UTP20: variants seen among roughly 807,000 people sequenced by gnomAD.
UTP20 encodes the protein small subunit processome component 20 homolog.
A neutral mutation model predicts 329.5 loss-of-function variants in UTP20; 164 were observed. That is an observed-to-expected ratio of 0.50 (90% CI 0.44 to 0.57). The LOEUF (loss-of-function observed/expected upper bound fraction) is 0.57, where lower values mean the gene tolerates loss of function less well. Among genes scored for constraint, UTP20 ranks in the 20% least tolerant of loss-of-function variants. UTP20 has a pLI of 0.00. For synonymous variants in UTP20, 1,151 were observed against 1,159.3 expected (o/e 0.99, Z 0.14); for missense variants, 3,055 against 3,284.2 (o/e 0.93, Z 1.71).
At chr12:101,314,596 T>A in intron 21 of UTP20, among the ~76,000 whole-genome samples, 1 of 150,250 alleles carries the variant, frequency 6.7e-6, no homozygotes, top group East Asian at 2.0e-4. Flanking sequence ...AGGTGGAGGT[T>A]GCAGTGAGCC....
chr12:101,360,935 A>G (rs1019001993), intron 43 of UTP20, among the ~76,000 whole-genome samples: 3 of 152,154 alleles, frequency 2.0e-5, no homozygotes, highest in African/African-American at 4.8e-5. Context: ...TCATTATCTG[A>G]TATTTACCTT....
intron 43 of UTP20, among the ~76,000 whole-genome samples, chr12:101,359,987 A>G (rs1869860163): frequency 6.6e-6 from 1 of 152,250 alleles, no homozygotes. Context: ...AGAACTGGAC[A>G]TACAAGGAGG....
At chr12:101,299,914 T>C in intron 13 of UTP20, 59 bp from the exon 14 acceptor site, 2 of 1,609,730 alleles carry the variant, frequency 1.2e-6, no homozygotes, top group Non-Finnish European at 1.7e-6. Flanking sequence ...CTTGCTGTTC[T>C]CTGAAACAAA....
intron 40 of UTP20, 112 bp downstream of exon 40, chr12:101,353,241 G>T: frequency 1.7e-6 from 1 of 588,622 alleles, no homozygotes; most frequent in Non-Finnish European, 2.8e-6. Context: ...GCTCTTACTA[G>T]CAATGGACAG....
rs1320648993 is a variant in UTP20 at position 101,379,521 on chromosome 12, T to G, written c.7547T>G (p.Val2516Gly). The change falls in exon 57 of 62, where the codon GTA becomes GGA. Residue 2516 changes from valine to glycine, a missense_variant. Val to Gly is a moderately radical substitution (Grantham distance 109, BLOSUM62 -3). Coordinates refer to ENST00000261637, the MANE Select transcript of UTP20 (RefSeq NM_014503.3). ...KKTKKHLPEP[V>G]AIKFLASDLD... is the part of the protein sequence containing the mutation. ...ACCAAAAAACACCTCCCAGAACCTGTAGCAATCAAGTTCCTAGCCAGTGAC... is the reference window on the plus strand; with the variant it reads ...ACCAAAAAACACCTCCCAGAACCTGGAGCAATCAAGTTCCTAGCCAGTGAC... 1.8e-5 allele frequency: 29 copies of G among 1,613,736 alleles called. No individual in the cohort carries two copies. The highest frequency in any genetic ancestry group is 2.4e-5 in the Non-Finnish European group (28 of 1,179,856).
chr12:101,329,091 T>C, intron 26 of UTP20, 150 bp from the exon 27 acceptor site: 1 of 697,300 alleles, frequency 1.4e-6, no homozygotes, highest in East Asian at 2.7e-5. Flanking sequence ...AAGGAGATAA[T>C]ACATAAGAAA....
intron 1 of UTP20, among the ~76,000 whole-genome samples, chr12:101,280,552 T>C (rs1043738142): frequency 1.3e-5 from 2 of 152,262 alleles, no homozygotes; most frequent in Admixed American, 1.3e-4. Context: ...TGGCCAGTCC[T>C]GGGAATTTCC....
At chr12:101,364,115 AT>A (rs1870020315) in intron 45 of UTP20, among the ~76,000 whole-genome samples, 1 of 152,144 alleles carries the variant, frequency 6.6e-6, no homozygotes, top group South Asian at 2.1e-4. Context: ...TTTATTAAGA[AT>A]TTGTTTTAGG....
intron 43 of UTP20, among the ~76,000 whole-genome samples, chr12:101,360,890 G>A (rs1347362310): frequency 1.3e-5 from 2 of 152,070 alleles, no homozygotes; most frequent in South Asian, 2.1e-4. Flanking sequence ...CCCAATCTAC[G>A]TTTTGACAAC....
Position 101,286,147 on chromosome 12 carries a change from C to T in UTP20, c.327-174C>T, listed in dbSNP as rs145716794. ...ACTTATGATGGAATGTAACTTCTTG[C>T]CTGATTTCTTTGCTGAGATCTTAAG... On this transcript the variant is annotated intron_variant, in intron 4 of 61. Coordinates refer to ENST00000261637, the MANE Select transcript of UTP20 (RefSeq NM_014503.3). Among the ~76,000 whole-genome samples the T allele has an allele frequency of 1.3e-3, 193 of 152,216 alleles. 1 individual carries two copies. Among genetic ancestry groups the T allele is most frequent in the Admixed American group, 0.012 (182 of 15,284 alleles).
At chr12:101,305,627 A>G (rs57587882) in intron 15 of UTP20, among the ~76,000 whole-genome samples, 4,899 of 148,076 alleles carry the variant, frequency 0.033, 301 homozygotes, top group African/African-American at 0.11. Flanking sequence ...ATATATATAT[A>G]TAAGTGGCTG....
chr12:101,308,324 C>T lies in UTP20; in HGVS notation c.2135C>T (p.Pro712Leu), dbSNP rs750408958. 6.4e-7 allele frequency: 1 copy of T among 1,552,162 alleles called. No homozygotes were observed. Among genetic ancestry groups the T allele is most frequent in the Non-Finnish European group, 8.7e-7 (1 of 1,149,188 alleles). Residue 712 changes from proline to leucine, a missense_variant, in exon 18 of 62, where the codon CCT becomes CTT. Physicochemically the swap from Pro to Leu is moderately conservative, Grantham distance 98. Transcript: ENST00000261637. ...CATGATGTGGTACAGACTGCTGTCCCTGATGGGCCGTTACAGGAGGTAAAA... is the reference window on the plus strand; with the variant it reads ...CATGATGTGGTACAGACTGCTGTCCTTGATGGGCCGTTACAGGAGGTAAAA... Reference protein sequence around the residue: ...LRHDVVQTAVPDGPLQEVPLR... With the variant: ...LRHDVVQTAVLDGPLQEVPLR...
rs911155240 is a variant in UTP20 at position 101,363,225 on chromosome 12, AT to A, written c.5791-350del. On this transcript the variant is annotated intron_variant, in intron 44 of 61. Transcript: ENST00000261637. ...ATGTAAATAATTAATTAGATTGCAA[AT>A]ATTCTGAGAACTTCTTGAAGGGAAA... Among the ~76,000 whole-genome samples the A allele has an allele frequency of 1.2e-4, 18 of 152,366 alleles. 1 individual carries two copies. Among genetic ancestry groups the A allele is most frequent in the Admixed American group, 4.6e-4 (7 of 15,298 alleles).
chr12:101,346,548 C>G lies in UTP20; in HGVS notation c.4844C>G (p.Pro1615Arg). 1 of 1,603,754 alleles carries G rather than the reference C, an allele frequency of 6.2e-7. No individual in the cohort carries two copies. The highest frequency in any genetic ancestry group is 8.5e-7 in the Non-Finnish European group (1 of 1,176,200). Residue 1615 changes from proline to arginine, a missense_variant, in exon 38 of 62, where the codon CCT (proline) becomes CGT (arginine). Physicochemically the swap from Pro to Arg is moderately radical, Grantham distance 103. Coordinates refer to ENST00000261637, the MANE Select transcript of UTP20 (RefSeq NM_014503.3). Reference protein sequence around the residue: ...SSKSLQNYIMPYAMTPIFDEK... With the variant: ...SSKSLQNYIMRYAMTPIFDEK... ...AAATCTCTTCAGAATTACATCATGC[C>G]TTATGCCATGACTCCAATTTTTGAT...
At chr12:101,377,125 T>G (rs1870502001) in intron 56 of UTP20, among the ~76,000 whole-genome samples, 1 of 152,128 alleles carries the variant, frequency 6.6e-6, no homozygotes, top group African/African-American at 2.4e-5. Context: ...AATAAAGTAT[T>G]CACCTGGTTT....
At chr12:101,309,481 AT>A (rs1872723880) in intron 18 of UTP20, among the ~76,000 whole-genome samples, 1 of 152,210 alleles carries the variant, frequency 6.6e-6, no homozygotes, top group Non-Finnish European at 1.5e-5. Context: ...GAGTTTAATC[AT>A]TAGTCAAATC....
intron 25 of UTP20, among the ~76,000 whole-genome samples, chr12:101,326,236 A>G (rs1465103197): frequency 6.6e-6 from 1 of 152,174 alleles, no homozygotes; most frequent in African/African-American, 2.4e-5. Flanking sequence ...ATTTGATTTC[A>G]GTGCAGCACT....
chr12:101,308,160 T>C, intron 17 of UTP20, 25 bp from the exon 18 acceptor site: 1 of 1,506,774 alleles, frequency 6.6e-7, no homozygotes. Flanking sequence ...ACTGGTCTTC[T>C]CCATGGTTTT....
At chr12:101,296,570 C>CAA (rs35977909) in intron 12 of UTP20, among the ~76,000 whole-genome samples, 53,062 of 113,708 alleles carry the variant, frequency 0.47, 12,988 homozygotes, top group East Asian at 0.91. Context: ...GACTTCATCT[C>CAA]AAAAAAAAAA....
Sources: gnomAD v4.1 joint callset for allele counts (sites outside exome capture counted in the v4.1 genomes callset) on GRCh38, gnomAD v4.1.1 for gene constraint, MANE v1.5 for transcripts, NCBI Gene and HGNC (gene_info 2026-07-23, HGNC 2026-07-21) for gene names.